Variants in SMG5 observed in about 807,000 individuals in gnomAD.
The protein encoded by SMG5 is SMG5 nonsense mediated mRNA decay factor.
SMG5 carries 53 observed loss-of-function variants against 122.9 expected under a neutral mutation model. The ratio of observed to expected loss-of-function variants is 0.43; its 90% confidence interval spans 0.35 to 0.54. SMG5 has a LOEUF of 0.54. Ranked by LOEUF, SMG5 falls within the 20% of genes least tolerant of loss-of-function variation. SMG5 has a pLI of 0.01. For missense variants in SMG5, 1,153 were observed against 1,285.6 expected, an observed-to-expected ratio of 0.90 and a Z score of 1.58; for synonymous variants, 477 against 490.2, an observed-to-expected ratio of 0.97 and a Z score of 0.35.
intron 3 of SMG5, among the ~76,000 whole-genome samples, chr1:156,277,459 C>T (rs1314936428): frequency 6.6e-6 from 1 of 152,030 alleles, no homozygotes; most frequent in African/African-American, 2.4e-5. Context: ...CTCTCTTCCT[C>T]CTTCCCTAAT....
rs1558249343 is a variant in SMG5, at chr1:156,282,774, G to GCCGCCA, written c.-100_-95dup. The GCCGCCA allele has an allele frequency of 1.5e-6, 2 of 1,336,142 alleles. No homozygotes were observed. Among genetic ancestry groups the GCCGCCA allele is most frequent in the Non-Finnish European group, 2.0e-6 (2 of 992,698 alleles). 82.8% of individuals were successfully genotyped at this position (1,336,142 alleles called of 1,614,324 possible). A position where few individuals can be genotyped will look rare whatever the true frequency, so the allele number is the denominator to read the frequency against. ...GTCTCCGGCCGTAGCCGCAGCCGCC[G>GCCGCCA]CCGCCACCGGCCCTGCTCGGCCGCC... On this transcript the variant is annotated 5_prime_UTR_variant, in exon 1 of 22. Coordinates refer to ENST00000361813, the MANE Select transcript of SMG5 (RefSeq NM_015327.3).
rs749635642 is a variant in SMG5, at chr1:156,278,035, A to T, written c.187T>A (p.Cys63Ser). 6.2e-7 allele frequency: 1 copy of T among 1,614,090 alleles called. No homozygotes were observed. Among genetic ancestry groups the T allele is most frequent in the South Asian group, 1.1e-5 (1 of 91,086 alleles). The change falls in exon 3 of 22, where the codon TGC becomes AGC. Residue 63 changes from cysteine (C) to serine (S), a missense_variant. Cys to Ser is a moderately radical substitution (Grantham distance 112). This residue lies in a region of SMG5 where 213 missense variants were observed against 197.5 expected (regional missense o/e 1.08). Coordinates refer to ENST00000361813, the MANE Select transcript of SMG5 (RefSeq NM_015327.3). ...ISLRNKLREL[C>S]VKLMFLHPVD... The stretch of plus-strand genomic sequence containing the variant: ...GGGTGCAGGAACATAAGCTTGACGC[A>T]GAGCTCACGCAGCCTGGAGGGTGTA...
upstream of SMG5, among the ~76,000 whole-genome samples, chr1:156,284,863 A>T (rs1663105035): frequency 6.6e-6 from 1 of 151,888 alleles, no homozygotes; most frequent in South Asian, 2.1e-4. Flanking sequence ...AGTGGCCATG[A>T]CTCCAGGGGT....
At chr1:156,254,083 T>C (rs1379099870) in intron 16 of SMG5, among the ~76,000 whole-genome samples, 1 of 151,924 alleles carries the variant, frequency 6.6e-6, no homozygotes, top group Non-Finnish European at 1.5e-5. Flanking sequence ...GAATCTTCCC[T>C]TTCTCTCAGC....
intron 17 of SMG5, 91 bp downstream of exon 17, chr1:156,253,358 G>A (rs138072172): frequency 5.3e-6 from 7 of 1,312,456 alleles, no homozygotes; most frequent in Non-Finnish European, 7.7e-6. Flanking sequence ...ACAGAGCAGG[G>A]GGACTACAGC....
chr1:156,270,954 C>A (rs1662385521), intron 7 of SMG5, among the ~76,000 whole-genome samples: 1 of 151,754 alleles, frequency 6.6e-6, no homozygotes, highest in Non-Finnish European at 1.5e-5. Context: ...TTGCAGTGAG[C>A]CGAGATCATG....
upstream of SMG5, chr1:156,285,560 G>A (rs1281524695): frequency 1.2e-6 from 2 of 1,614,226 alleles, no homozygotes; most frequent in East Asian, 2.2e-5. Flanking sequence ...CAAGCTAGAG[G>A]AGCTGCCCGA....
upstream of SMG5, among the ~76,000 whole-genome samples, chr1:156,283,688 T>C (rs369848707): frequency 1.3e-5 from 2 of 152,344 alleles, no homozygotes; most frequent in East Asian, 3.9e-4. Context: ...AAATTGCCCT[T>C]CTACCACTAT....
upstream of SMG5, chr1:156,285,691 G>A: frequency 1.2e-6 from 2 of 1,613,606 alleles, no homozygotes; most frequent in South Asian, 1.1e-5. Context: ...GCGAGGGCGA[G>A]TGCCGAACCT....
In SMG5 at chr1:156,253,485, G is replaced by A. The variant is rs1302702050; in HGVS notation, c.2466C>T (p.Asn822=). 6.2e-7 allele frequency: 1 copy of A among 1,614,048 alleles called. No homozygotes were observed. ...FRMAQEEARR[N]RLMRDMAQLR... ...GCTGAGCCATGTCTCTCATGAGCCT[G>A]TTCCGACGAGCTTCCTCCTGTGCCT... The change falls in exon 17 of 22, where the codon AAC becomes AAT. Residue 822 remains asparagine (N), a synonymous_variant. Transcript: ENST00000361813.
At chr1:156,277,869 C>T in intron 3 of SMG5, 56 bp downstream of exon 3, 2 of 1,605,766 alleles carry the variant, frequency 1.2e-6, no homozygotes, top group Non-Finnish European at 1.7e-6. Context: ...CGCCCACTTT[C>T]CTAGCTGTCT....
In SMG5 at chr1:156,266,689, G is replaced by C; in HGVS notation, c.1118-11C>G. ...TGTACTGCTTGGATCCTGAAGTCAG[G>C]AAAGCCAGGCATTAGGGGCCTAGGG... On this transcript the variant is annotated splice_polypyrimidine_tract_variant and intron_variant, in intron 10 of 21. Transcript: ENST00000361813. 1 of 1,614,072 alleles carries C rather than the reference G, an allele frequency of 6.2e-7. No homozygotes were observed. Among genetic ancestry groups the C allele is most frequent in the Non-Finnish European group, 8.5e-7 (1 of 1,179,976 alleles).
chr1:156,284,119 T>TA (rs1376512570), upstream of SMG5, among the ~76,000 whole-genome samples: 2 of 152,346 alleles, frequency 1.3e-5, no homozygotes, highest in East Asian at 3.9e-4. Context: ...TGGGAGTTCT[T>TA]ACGCATTCCA....
chr1:156,254,096 C>T (rs1661472766), intron 16 of SMG5, among the ~76,000 whole-genome samples: 1 of 151,692 alleles, frequency 6.6e-6, no homozygotes, highest in Non-Finnish European at 1.5e-5. Flanking sequence ...CTCTCAGCCC[C>T]AGAAGTTATC....
chr1:156,258,922 C>T (rs914150021), intron 16 of SMG5, 83 bp downstream of exon 16: 1 of 1,550,286 alleles, frequency 6.5e-7, no homozygotes, highest in African/African-American at 1.4e-5. Context: ...GTGGAGACCA[C>T]CAGAGGGTCT....
In SMG5 at chr1:156,258,856, G is replaced by C. The variant is rs142007952; in HGVS notation, c.2442+149C>G. 6,681 of 934,382 alleles carry C rather than the reference G, an allele frequency of 7.2e-3. 38 individuals carry two copies. Among genetic ancestry groups the C allele is most frequent in the Middle Eastern group, 0.022 (79 of 3,664 alleles). 57.9% of individuals were successfully genotyped at this position (934,382 alleles called of 1,614,324 possible). A position where few individuals can be genotyped will look rare whatever the true frequency, so the allele number is the denominator to read the frequency against. ...CAGTCACATCCCTTAGTCCTTCCCA[G>C]GCCTCCCTCCCAGCCTCCCCTCCCC... On this transcript the variant is annotated intron_variant, in intron 16 of 21. Coordinates refer to ENST00000361813, the MANE Select transcript of SMG5 (RefSeq NM_015327.3).
Position 156,263,420 on chromosome 1 carries a change from G to T in SMG5, c.2006C>A (p.Pro669His). The stretch of plus-strand genomic sequence containing the variant: ...CTGCGCACACACGATGATGAGGTCG[G>T]GGTTGGTCCGAAGCCAGTCCAGGAA... ...KVFLDWLRTN[P>H]DLIIVCAQSS... The change falls in exon 13 of 22, where the codon CCC becomes CAC. Residue 669 changes from proline to histidine, a missense_variant. Pro to His is a moderately conservative substitution (Grantham distance 77). Transcript: ENST00000361813. 6.2e-7 allele frequency: 1 copy of T among 1,614,186 alleles called. No individual in the cohort carries two copies. Among genetic ancestry groups the T allele is most frequent in the Non-Finnish European group, 8.5e-7 (1 of 1,180,016 alleles).
the SMG5 span, among the ~76,000 whole-genome samples, chr1:156,288,617 C>T: frequency 4.9e-4 from 74 of 152,124 alleles, 1 homozygote; most frequent in Admixed American, 4.4e-3. Flanking sequence ...GGATTACAGG[C>T]GTGAGCCACC....
intron 9 of SMG5, 88 bp downstream of exon 9, chr1:156,268,027 G>T: frequency 7.3e-7 from 1 of 1,365,016 alleles, no homozygotes; most frequent in South Asian, 1.3e-5. Flanking sequence ...GGCAGAACTC[G>T]ACAGTCCACC....
Sources: gnomAD v4.1 joint callset for allele counts (sites outside exome capture counted in the v4.1 genomes callset) on GRCh38, gnomAD v4.1.1 for gene constraint, gnomAD v4.1.1 regional missense constraint, MANE v1.5 for transcripts, NCBI Gene and HGNC (gene_info 2026-07-23, HGNC 2026-07-21) for gene names.